LAT: variants seen among roughly 807,000 people sequenced by gnomAD.
LAT encodes the protein linker for activation of T cells.
A neutral mutation model predicts 39.1 loss-of-function variants in LAT; 12 were observed. That is an observed-to-expected ratio of 0.31 (90% CI 0.20 to 0.50). The LOEUF (loss-of-function observed/expected upper bound fraction) is 0.50, where lower values mean the gene tolerates loss of function less well. Among genes scored for constraint, LAT ranks in the 20% least tolerant of loss-of-function variants. The pLI, the probability that LAT is intolerant of heterozygous loss-of-function variation, is 0.98. For missense variants in LAT, 253 were observed against 308.0 expected (o/e 0.82, Z 1.34); for synonymous variants, 117 against 123.8 (o/e 0.95, Z 0.36).
In LAT at chr16:28,986,159, C is replaced by T; in HGVS notation, c.188C>T (p.Ala63Val). Residue 63 changes from alanine to valine, a missense_variant, in exon 4 of 12, where the codon GCC becomes GTC. Transcript: ENST00000395456. This position sits in a 1 kb window ranked among gnomAD's most constrained non-coding sequence, Gnocchi z 5.7. ...GACACGGTTGCCCCCTGGCCACCTG[C>T]CTACCCACCTGTCACCTCCTACCCA... ...RPHTVAPWPP[A>V]YPPVTSYPPL... The T allele has an allele frequency of 6.2e-7, 1 of 1,602,882 alleles. No individual in the cohort carries two copies. Among genetic ancestry groups the T allele is most frequent in the Non-Finnish European group, 8.5e-7 (1 of 1,174,554 alleles).
intron 8 of LAT, 99 bp from the exon 9 acceptor site, chr16:28,989,428 C>T (rs144911297): frequency 4.5e-5 from 47 of 1,050,474 alleles, no homozygotes; most frequent in South Asian, 2.4e-4. Flanking sequence ...TGGGGTCTAC[C>T]GTTGGGGAGC....
intron 10 of LAT, 41 bp from the exon 11 acceptor site, chr16:28,989,892 G>C (rs780620380): frequency 4.3e-6 from 7 of 1,613,520 alleles, no homozygotes; most frequent in Non-Finnish European, 5.9e-6. Flanking sequence ...GGCTTGGGGG[G>C]ATAGCTTGCA....
In LAT at chr16:28,985,717, C is replaced by G. The variant is rs552766839; in HGVS notation, c.105C>G (p.Ser35=). The G allele has an allele frequency of 3.1e-6, 5 of 1,613,972 alleles. No homozygotes were observed. The highest frequency in any genetic ancestry group is 8.5e-7 in the Non-Finnish European group (1 of 1,179,946). The part of the protein sequence containing the change: ...LCVHCHRLPG[S]YDSTSSDSLY... ...CACCAGCCCTCTCTTTCCCAGGCTC[C>G]TACGACAGCACATCCTCAGATAGGT... The change falls in exon 2 of 12, where the codon TCC becomes TCG. Residue 35 remains serine, a synonymous_variant. Transcript: ENST00000395456. This position sits in a 1 kb window ranked among gnomAD's most constrained non-coding sequence, Gnocchi z 4.6.
chr16:28,989,721 C>T (rs750493146), intron 9 of LAT, 53 bp from the exon 10 acceptor site: 104 of 1,605,212 alleles, frequency 6.5e-5, no homozygotes, highest in South Asian at 1.7e-4. Flanking sequence ...CTTGCTCTCT[C>T]GCCCTCCTGA....
At chr16:28,989,747 G>A (rs747789529) in intron 9 of LAT, 27 bp from the exon 10 acceptor site, 1 of 1,613,446 alleles carries the variant, frequency 6.2e-7, no homozygotes, top group Non-Finnish European at 8.5e-7. Flanking sequence ...TTGCGTGGCT[G>A]CCCCTCCTTC....
Position 28,986,056 on chromosome 16 carries a change from G to T in LAT, c.164-79G>T. On this transcript the variant is annotated intron_variant, in intron 3 of 11. Transcript: ENST00000395456. This position sits in a 1 kb window ranked among gnomAD's most constrained non-coding sequence, Gnocchi z 5.7. ...CCCCCAGGCCTGTCCAGGGTGTGGGGCTTTCAGGGGCTTAGTCTGTTCTTT... is the reference window on the plus strand; with the variant it reads ...CCCCCAGGCCTGTCCAGGGTGTGGGTCTTTCAGGGGCTTAGTCTGTTCTTT... 1 of 1,395,982 alleles carries T rather than the reference G, an allele frequency of 7.2e-7. No homozygotes were observed. Among genetic ancestry groups the T allele is most frequent in the East Asian group, 2.3e-5 (1 of 43,600 alleles). The allele number at this position is 1,395,982 out of a possible 1,614,324, so 86.5% of individuals were successfully genotyped here.
In LAT at chr16:28,985,144, T is replaced by C. The variant is rs1212204395; in HGVS notation, c.-274T>C. On this transcript the variant is annotated 5_prime_UTR_variant, in exon 1 of 12. Coordinates refer to ENST00000395456, the MANE Select transcript of LAT (RefSeq NM_001014987.2). The surrounding 1 kb of genome is among the most constrained non-coding windows in gnomAD (Gnocchi z 4.6). ...GGGCTGGGACGCAGGGGTAACTGGA[T>C]CCCCCGACTTCAGCCCAGGCCCTGG... 7.0e-7 allele frequency: 1 copy of C among 1,424,868 alleles called. No individual in the cohort carries two copies. The highest frequency in any genetic ancestry group is 2.6e-5 in the East Asian group (1 of 38,878). 88.3% of individuals were successfully genotyped at this position (1,424,868 alleles called of 1,614,324 possible). A position where few individuals can be genotyped will look rare whatever the true frequency, so the allele number is the denominator to read the frequency against.
At chr16:28,989,442 G>C in intron 8 of LAT, 85 bp from the exon 9 acceptor site, 1 of 1,252,910 alleles carries the variant, frequency 8.0e-7, no homozygotes, top group Non-Finnish European at 1.1e-6. Context: ...GGGGAGCTCT[G>C]CATGGCTGAG....
intron 9 of LAT, 40 bp downstream of exon 9, chr16:28,989,629 C>T (rs754124065): frequency 1.5e-5 from 24 of 1,590,142 alleles, no homozygotes; most frequent in African/African-American, 8.0e-5. Flanking sequence ...CCCTGCACCC[C>T]GCTGCCCCAC....
Position 28,986,788 on chromosome 16 carries a change from C to T in LAT, c.399-11C>T, listed in dbSNP as rs774065817. On this transcript the variant is annotated splice_polypyrimidine_tract_variant and intron_variant, in intron 7 of 11. Coordinates refer to ENST00000395456, the MANE Select transcript of LAT (RefSeq NM_001014987.2). The surrounding 1 kb of genome is among the most constrained non-coding windows in gnomAD (Gnocchi z 5.7). ...CCCCCTTGCTCACCGGCCCTTTTCA[C>T]TTCCTTTCAGGGTGGTGCTTCCTGA... The T allele has an allele frequency of 3.1e-6, 5 of 1,613,232 alleles. No individual in the cohort carries two copies. The South Asian group carries it at 5.5e-5, about 18-fold the overall frequency.
chr16:28,986,864 C>A lies in LAT; in HGVS notation c.464C>A (p.Thr155Asn). The A allele has an allele frequency of 6.2e-7, 1 of 1,614,062 alleles. No individual in the cohort carries two copies. The highest frequency in any genetic ancestry group is 8.5e-7 in the Non-Finnish European group (1 of 1,179,974). ...TAAPSAPALS[T>N]PGIRDSAFSM... ...GCCCCATCAGCTCCTGCACTCAGCA[C>A]CCCTGGCATCCGAGACAGTGCCTTC... is the stretch of plus-strand genomic sequence containing the variant. Residue 155 changes from threonine to asparagine, a missense_variant, in exon 8 of 12, where the codon ACC (threonine) becomes AAC (asparagine). Thr to Asn is a moderately conservative substitution (Grantham distance 65, BLOSUM62 0). Coordinates refer to ENST00000395456, the MANE Select transcript of LAT (RefSeq NM_001014987.2). This position sits in a 1 kb window ranked among gnomAD's most constrained non-coding sequence, Gnocchi z 5.7.
rs1387302025 is a variant in LAT at position 28,986,163 on chromosome 16, C to T, written c.192C>T (p.Tyr64=). 1.9e-6 allele frequency: 3 copies of T among 1,604,044 alleles called. No individual in the cohort carries two copies. The highest frequency in any genetic ancestry group is 2.6e-6 in the Non-Finnish European group (3 of 1,175,032). Residue 64 remains tyrosine (Y), a synonymous_variant, in exon 4 of 12, where the codon TAC becomes TAT. Coordinates refer to ENST00000395456, the MANE Select transcript of LAT (RefSeq NM_001014987.2). The surrounding 1 kb of genome is among the most constrained non-coding windows in gnomAD (Gnocchi z 5.7). ...PHTVAPWPPA[Y]PPVTSYPPLS... is the part of the protein sequence containing the mutation. The stretch of plus-strand genomic sequence containing the variant: ...CGGTTGCCCCCTGGCCACCTGCCTA[C>T]CCACCTGTCACCTCCTACCCACCCC...
chr16:28,986,053 G>A lies in LAT; in HGVS notation c.164-82G>A. On this transcript the variant is annotated intron_variant, in intron 3 of 11. Transcript: ENST00000395456. This position sits in a 1 kb window ranked among gnomAD's most constrained non-coding sequence, Gnocchi z 5.7. Reference sequence around the variant, plus strand: ...GCTCCCCCAGGCCTGTCCAGGGTGTGGGGCTTTCAGGGGCTTAGTCTGTTC... The same window carrying A: ...GCTCCCCCAGGCCTGTCCAGGGTGTAGGGCTTTCAGGGGCTTAGTCTGTTC... 7.2e-7 allele frequency: 1 copy of A among 1,381,130 alleles called. No homozygotes were observed. Among genetic ancestry groups the A allele is most frequent in the Non-Finnish European group, 1.0e-6 (1 of 980,480 alleles). The allele number at this position is 1,381,130 out of a possible 1,614,324, so 85.6% of individuals were successfully genotyped here. A position where few individuals can be genotyped will look rare whatever the true frequency, so the allele number is the denominator to read the frequency against.
chr16:28,990,118 C>G (rs1965840173), intron 11 of LAT, 71 bp from the exon 12 acceptor site: 3 of 1,009,798 alleles, frequency 3.0e-6, no homozygotes. Context: ...GCTTGTCCCT[C>G]TGTCTCTGGG....
rs752059672 is a variant in LAT, at chr16:28,989,512, C to T, written c.494-15C>T. The T allele has an allele frequency of 9.8e-5, 156 of 1,597,586 alleles. No homozygotes were observed. Among genetic ancestry groups the T allele is most frequent in the Non-Finnish European group, 1.2e-4 (145 of 1,171,278 alleles). On this transcript the variant is annotated splice_polypyrimidine_tract_variant and intron_variant, in intron 8 of 11. Transcript: ENST00000395456. ...CTCTGGTCACAGTGCCGAGGTGGGCCTGGCTTTTCCACAGTGGAGTCCATT... is the reference window on the plus strand; with the variant it reads ...CTCTGGTCACAGTGCCGAGGTGGGCTTGGCTTTTCCACAGTGGAGTCCATT...
intron 9 of LAT, 90 bp downstream of exon 9, chr16:28,989,679 C>G: frequency 1.9e-6 from 3 of 1,584,322 alleles, no homozygotes; most frequent in Admixed American, 1.7e-5. Flanking sequence ...TGGGGCTACC[C>G]ACACCCTCTG....
rs1380974548 is a variant in LAT, at chr16:28,986,365, T to C, written c.246-17T>C. On this transcript the variant is annotated splice_polypyrimidine_tract_variant and intron_variant, in intron 4 of 11. Coordinates refer to ENST00000395456, the MANE Select transcript of LAT (RefSeq NM_001014987.2). The surrounding 1 kb of genome is among the most constrained non-coding windows in gnomAD (Gnocchi z 5.7). ...TGAGCCCCACCTCAGGCATGACCCCTGACCTTTGACTCCCAGAAGATCCCC... is the reference window on the plus strand; with the variant it reads ...TGAGCCCCACCTCAGGCATGACCCCCGACCTTTGACTCCCAGAAGATCCCC... 1.9e-6 allele frequency: 3 copies of C among 1,613,366 alleles called. No individual in the cohort carries two copies. The highest frequency in any genetic ancestry group is 2.7e-5 in the African/African-American group (2 of 74,928).
chr16:28,985,861 C>G lies in LAT; in HGVS notation c.136C>G (p.Pro46Ala), dbSNP rs1490675199. 1 of 1,614,112 alleles carries G rather than the reference C, an allele frequency of 6.2e-7. No individual in the cohort carries two copies. Among genetic ancestry groups the G allele is most frequent in the Non-Finnish European group, 8.5e-7 (1 of 1,179,996 alleles). ...YDSTSSDSLY[P>A]RGIQFKRPHT... ...CTGTGTCTCCTTTACCAGTTTGTAT[C>G]CAAGGGGCATCCAGTTCAAACGGCC... The change falls in exon 3 of 12, where the codon CCA becomes GCA. Residue 46 changes from proline to alanine, a missense_variant. Transcript: ENST00000395456. The surrounding 1 kb of genome is among the most constrained non-coding windows in gnomAD (Gnocchi z 4.6).
Position 28,985,981 on chromosome 16 carries a change from T to C in LAT, c.163+93T>C. 1 of 1,497,792 alleles carries C rather than the reference T, an allele frequency of 6.7e-7. No individual in the cohort carries two copies. Among genetic ancestry groups the C allele is most frequent in the Non-Finnish European group, 9.3e-7 (1 of 1,074,510 alleles). 92.8% of individuals were successfully genotyped at this position (1,497,792 alleles called of 1,614,324 possible). A position where few individuals can be genotyped will look rare whatever the true frequency, so the allele number is the denominator to read the frequency against. On this transcript the variant is annotated intron_variant, in intron 3 of 11. Coordinates refer to ENST00000395456, the MANE Select transcript of LAT (RefSeq NM_001014987.2). This position sits in a 1 kb window ranked among gnomAD's most constrained non-coding sequence, Gnocchi z 4.6. The stretch of plus-strand genomic sequence containing the variant: ...GAACCTTCAGACTTCCCCTGCCACC[T>C]TGGGGCTGCCCACATGGCCTTGACC...
Sources: gnomAD v4.1 joint callset for allele counts on GRCh38, gnomAD v4.1.1 for gene constraint, Gnocchi (gnomAD v3.1) non-coding constraint, MANE v1.5 for transcripts, NCBI Gene and HGNC (gene_info 2026-07-23, HGNC 2026-07-21) for gene names.